Variants in PAN3 observed in about 807,000 individuals in gnomAD.
The protein encoded by PAN3 is PAN2-PAN3 deadenylation complex subunit PAN3.
In PAN3, 19 loss-of-function variants were observed where a neutral mutation model predicts 96.2. The ratio of observed to expected loss-of-function variants is 0.20; its 90% CI spans 0.14 to 0.29. The LOEUF is 0.29. Ranked by LOEUF, PAN3 falls within the 10% of genes least tolerant of loss-of-function variation. The pLI is 1.00. For synonymous variants in PAN3, 433 were observed against 406.6 expected, an observed-to-expected ratio of 1.06 and a Z score of -0.78; for missense variants, 882 against 1,108.1, an observed-to-expected ratio of 0.80 and a Z score of 2.90.
intron 6 of PAN3, among the ~76,000 whole-genome samples, chr13:28,244,998 G>A (rs1448073100): frequency 3.3e-5 from 5 of 152,038 alleles, no homozygotes; most frequent in East Asian, 1.9e-4. Context: ...ACAGGCATGC[G>A]TCACCACGCC....
At chr13:28,255,921 A>G (rs1208785473) in intron 6 of PAN3, among the ~76,000 whole-genome samples, 1 of 151,918 alleles carries the variant, frequency 6.6e-6, no homozygotes, top group South Asian at 2.1e-4. Context: ...TAAAAGAAAA[A>G]CTTTTATAAA....
chr13:28,239,052 A>G (rs1801200535), intron 6 of PAN3, among the ~76,000 whole-genome samples: 1 of 152,032 alleles, frequency 6.6e-6, no homozygotes, highest in South Asian at 2.1e-4. Flanking sequence ...GAATTATGTA[A>G]CATTTCACTA....
intron 5 of PAN3, among the ~76,000 whole-genome samples, chr13:28,198,441 A>T (rs1421037275): frequency 6.6e-6 from 1 of 152,182 alleles, no homozygotes; most frequent in Non-Finnish European, 1.5e-5. Context: ...GTTGCTCTAA[A>T]ACTAACTTCA....
rs45581131 is a variant in PAN3, at chr13:28,256,263, A to G, written c.1001-29A>G. 1,600 of 1,596,566 alleles carry G rather than the reference A, an allele frequency of 1.0e-3. 16 individuals are homozygous for G. The African/African-American group carries it at 0.02, about 20-fold the overall frequency. On this transcript the variant is annotated intron_variant, in intron 6 of 18. Transcript: ENST00000380958. ...GTTCTCTAAAACCAATTATTGCTCC[A>G]TTAAGAAACATTTTTACATCTTCTT...
intron 18 of PAN3, among the ~76,000 whole-genome samples, chr13:28,290,906 C>T (rs557031043): frequency 2.6e-5 from 4 of 151,854 alleles, no homozygotes; most frequent in African/African-American, 9.7e-5. Flanking sequence ...ATGGAATAAG[C>T]CATGGACAGT....
chr13:28,235,454 A>T (rs974135444), intron 6 of PAN3, among the ~76,000 whole-genome samples: 2 of 152,122 alleles, frequency 1.3e-5, no homozygotes, highest in Non-Finnish European at 2.9e-5. Context: ...GTATTTGAAC[A>T]TGGTCAGCCT....
chr13:28,271,558 T>A (rs1381405509), intron 13 of PAN3, among the ~76,000 whole-genome samples: 1 of 152,244 alleles, frequency 6.6e-6, no homozygotes, highest in Non-Finnish European at 1.5e-5. Context: ...ATTCTGCTTA[T>A]TTATGAGGTA....
chr13:28,287,451 G>A (rs1286202683), intron 17 of PAN3, among the ~76,000 whole-genome samples: 2 of 152,198 alleles, frequency 1.3e-5, no homozygotes, highest in Non-Finnish European at 2.9e-5. Flanking sequence ...AGCTTTCTTT[G>A]ATTATTTGAA....
At chr13:28,157,322 T>C (rs1316339360) in intron 1 of PAN3, among the ~76,000 whole-genome samples, 1 of 152,082 alleles carries the variant, frequency 6.6e-6, no homozygotes, top group Non-Finnish European at 1.5e-5. Flanking sequence ...ATGCCTACTC[T>C]CAACACTGCT....
intron 1 of PAN3, among the ~76,000 whole-genome samples, chr13:28,173,146 A>G (rs1267632951): frequency 1.3e-5 from 2 of 152,222 alleles, no homozygotes; most frequent in Non-Finnish European, 2.9e-5. Context: ...ATTTATAGCT[A>G]CTTACGGCAA....
intron 1 of PAN3, among the ~76,000 whole-genome samples, chr13:28,141,467 T>TC (rs200955123): frequency 4.7e-5 from 6 of 126,860 alleles, no homozygotes; most frequent in East Asian, 2.0e-4. Context: ...TTTTTCTTTT[T>TC]TTTTTTTTTT....
chr13:28,185,785 T>C (rs2138162678), intron 4 of PAN3, among the ~76,000 whole-genome samples: 1 of 152,312 alleles, frequency 6.6e-6, no homozygotes. Flanking sequence ...GTAGTTTAAG[T>C]AAAACCATGG....
chr13:28,247,975 T>C (rs1458022889), intron 6 of PAN3, among the ~76,000 whole-genome samples: 2 of 152,212 alleles, frequency 1.3e-5, no homozygotes, highest in East Asian at 1.9e-4. Context: ...GATATTTTGA[T>C]AGACTGTGTT....
At chr13:28,150,158 T>G (rs1456805086) in intron 1 of PAN3, among the ~76,000 whole-genome samples, 1 of 152,162 alleles carries the variant, frequency 6.6e-6, no homozygotes, top group Non-Finnish European at 1.5e-5. Flanking sequence ...ATTCCATAAG[T>G]CAGTTTTTAT....
intron 5 of PAN3, among the ~76,000 whole-genome samples, chr13:28,219,269 T>C (rs892448252): frequency 3.3e-5 from 5 of 152,334 alleles, no homozygotes; most frequent in Middle Eastern, 3.4e-3. Context: ...GTAGTTCTAG[T>C]GTATTTTAAT....
At chr13:28,220,520 C>T (rs1037629134) in intron 6 of PAN3, 142 bp downstream of exon 6, 6 of 1,010,556 alleles carry the variant, frequency 5.9e-6, no homozygotes, top group Middle Eastern at 2.3e-4. Context: ...TTTTTGGTAC[C>T]ATAGGCCAAA....
chr13:28,255,723 CT>C (rs1329919389), intron 6 of PAN3, among the ~76,000 whole-genome samples: 5 of 151,574 alleles, frequency 3.3e-5, no homozygotes, highest in Admixed American at 6.6e-5. Flanking sequence ...AAATATGGCA[CT>C]TAAGCTGCTA....
intron 1 of PAN3, among the ~76,000 whole-genome samples, chr13:28,150,855 T>C (rs1871277969): frequency 6.6e-6 from 1 of 152,192 alleles, no homozygotes; most frequent in South Asian, 2.1e-4. Flanking sequence ...GAAAAATCCC[T>C]TCTTTTGTGG....
intron 6 of PAN3, among the ~76,000 whole-genome samples, chr13:28,234,797 G>A (rs1279390813): frequency 6.6e-6 from 1 of 151,924 alleles, no homozygotes; most frequent in Non-Finnish European, 1.5e-5. Flanking sequence ...TTCTTGAACA[G>A]GAAACCTAAG....
Sources: gnomAD v4.1 joint callset for allele counts (sites outside exome capture counted in the v4.1 genomes callset) on GRCh38, gnomAD v4.1.1 for gene constraint, MANE v1.5 for transcripts, NCBI Gene and HGNC (gene_info 2026-07-23, HGNC 2026-07-21) for gene names.